Variants in NT5C2 observed in about 807,000 individuals in gnomAD.
NT5C2 encodes the protein 5'-nucleotidase, cytosolic II, also known as cytosolic purine 5'-nucleotidase.
In NT5C2, 58 loss-of-function variants were observed where a neutral mutation model predicts 76.1. That is an observed-to-expected ratio of 0.76 (90% CI 0.62 to 0.95). The LOEUF is 0.95. Among genes scored for constraint, NT5C2 ranks in the 40% least tolerant of loss-of-function variants. The pLI is 0.00. For synonymous variants in NT5C2, 229 were observed against 237.4 expected, an observed-to-expected ratio of 0.96 and a Z score of 0.32; for missense variants, 478 against 690.3, an observed-to-expected ratio of 0.69 and a Z score of 3.45.
At chr10:103,100,890 G>C in intron 8 of NT5C2, 155 bp downstream of exon 8, 1 of 701,508 alleles carries the variant, frequency 1.4e-6, no homozygotes. Context: ...AGCTGCTGGT[G>C]CTGTCCCATC....
At chr10:103,130,258 C>CA (rs1489965523) in intron 4 of NT5C2, among the ~76,000 whole-genome samples, 3 of 151,760 alleles carry the variant, frequency 2.0e-5, no homozygotes, top group Admixed American at 2.0e-4. Context: ...ACCTTACCCC[C>CA]AACCCTGTGC....
Position 103,105,697 on chromosome 10 carries a change from T to G in NT5C2, c.389+9A>C. The stretch of plus-strand genomic sequence containing the variant: ...CATTAGAAAGAGGCTAAAGGTTCTC[T>G]GTACTCACCCCCTTATAAAGTTAAA... On this transcript the variant is annotated intron_variant, in intron 6 of 18. Transcript: ENST00000404739. 1 of 1,577,758 alleles carries G rather than the reference T, an allele frequency of 6.3e-7. No homozygotes were observed. Among genetic ancestry groups the G allele is most frequent in the Non-Finnish European group, 8.7e-7 (1 of 1,148,408 alleles).
intron 4 of NT5C2, among the ~76,000 whole-genome samples, chr10:103,108,158 G>GA (rs2071891574): frequency 1.3e-5 from 2 of 151,056 alleles, no homozygotes; most frequent in South Asian, 2.1e-4. Context: ...GTCTCAAAAA[G>GA]AAAAAAAAGA....
At chr10:103,183,275 A>ATCTATTATATATATATATATAT (rs1554841685) in intron 1 of NT5C2, among the ~76,000 whole-genome samples, 2 of 104,934 alleles carry the variant, frequency 1.9e-5, no homozygotes, top group African/African-American at 6.4e-5. Context: ...ATATATATAT[A>ATCTATTATATATATATATATAT]TATATATATA....
At chr10:103,104,952 A>T (rs1270101454) in intron 6 of NT5C2, among the ~76,000 whole-genome samples, 1 of 152,240 alleles carries the variant, frequency 6.6e-6, no homozygotes, top group Non-Finnish European at 1.5e-5. Flanking sequence ...TACAATGTCA[A>T]TAGTAAATAA....
In NT5C2 at chr10:103,137,583, ACT is replaced by A. The variant is rs1242108972; in HGVS notation, c.175+1821_175+1822del. Among the ~76,000 whole-genome samples the A allele has an allele frequency of 5.3e-5, 8 of 152,350 alleles. No individual in the cohort carries two copies. In the South Asian group the frequency reaches 8.3e-4, roughly 16 times the overall value. On this transcript the variant is annotated intron_variant, in intron 4 of 18. Transcript: ENST00000404739. Reference sequence around the variant, plus strand: ...TCTAATTTGAGATGGACAAATTAATACTGTTATATTAATAGTTCCTGAGAAGT... The same window carrying A: ...TCTAATTTGAGATGGACAAATTAATAGTTATATTAATAGTTCCTGAGAAGT...
rs118141064 is a variant in NT5C2 at position 103,170,925 on chromosome 10, C to T, written c.101+3933G>A. On this transcript the variant is annotated intron_variant, in intron 3 of 18. Transcript: ENST00000404739. The stretch of plus-strand genomic sequence containing the variant: ...TGTTACACCCTAATGTTAATTAATA[C>T]TTTATAGTGTAAAGACCAAGCAAAT... Among the ~76,000 whole-genome samples the T allele has an allele frequency of 9.0e-3, 1,366 of 152,226 alleles. 11 individuals are homozygous for T. Among genetic ancestry groups the T allele is most frequent in the Non-Finnish European group, 0.015 (992 of 68,010 alleles).
chr10:103,181,350 TA>T (rs35695488), intron 1 of NT5C2, 22 bp from the exon 2 acceptor site: 5 of 147,014 alleles, frequency 3.4e-5, no homozygotes, highest in Non-Finnish European at 6.0e-5. Flanking sequence ...AAAAAAAAAA[TA>T]ATAATTCACA....
chr10:103,108,130 TGGC>T, intron 4 of NT5C2, among the ~76,000 whole-genome samples: 1 of 151,856 alleles, frequency 6.6e-6, no homozygotes, highest in East Asian at 1.9e-4. Flanking sequence ...ACTCCAGCCT[TGGC>T]GACAGAGTGA....
At chr10:103,180,678 G>A (rs948720414) in intron 2 of NT5C2, among the ~76,000 whole-genome samples, 13 of 151,932 alleles carry the variant, frequency 8.6e-5, no homozygotes, top group Admixed American at 6.6e-4. Flanking sequence ...AGATTGTCTC[G>A]TGCCACTGCA....
intron 4 of NT5C2, among the ~76,000 whole-genome samples, chr10:103,134,243 A>G (rs1443440592): frequency 6.6e-6 from 1 of 152,046 alleles, no homozygotes. Flanking sequence ...AGAAGTCTTC[A>G]TGGTAGCCCC....
intron 4 of NT5C2, among the ~76,000 whole-genome samples, chr10:103,138,046 C>T (rs944838473): frequency 1.3e-5 from 2 of 152,088 alleles, no homozygotes; most frequent in African/African-American, 2.4e-5. Context: ...ACCCAATGCC[C>T]CACATCCTCA....
intron 4 of NT5C2, among the ~76,000 whole-genome samples, chr10:103,139,139 A>AT (rs1383052729): frequency 6.6e-6 from 1 of 152,196 alleles, no homozygotes; most frequent in Non-Finnish European, 1.5e-5. Context: ...TCAATATATG[A>AT]TTTTACCATA....
chr10:103,191,397 AAGAG>A (rs202139040), intron 1 of NT5C2, among the ~76,000 whole-genome samples: 37,976 of 138,498 alleles, frequency 0.27, 5,171 homozygotes, highest in Middle Eastern at 0.32. Flanking sequence ...AAAAAAAAAA[AAGAG>A]AGAGAGAGGA....
intron 3 of NT5C2, among the ~76,000 whole-genome samples, chr10:103,143,301 T>C (rs1184806626): frequency 6.6e-6 from 1 of 152,182 alleles, no homozygotes; most frequent in Non-Finnish European, 1.5e-5. Flanking sequence ...TCTAGGTCAA[T>C]GGTCTCCAAA....
intron 3 of NT5C2, among the ~76,000 whole-genome samples, chr10:103,170,009 C>T (rs2087478534): frequency 6.6e-6 from 1 of 152,122 alleles, no homozygotes; most frequent in Non-Finnish European, 1.5e-5. Context: ...ATAATCACAG[C>T]TACTCCAGAG....
chr10:103,112,370 C>T (rs2073237260), intron 4 of NT5C2, among the ~76,000 whole-genome samples: 1 of 151,966 alleles, frequency 6.6e-6, no homozygotes, highest in Non-Finnish European at 1.5e-5. Flanking sequence ...CTGCACACTG[C>T]TAAAAATCTA....
intron 3 of NT5C2, among the ~76,000 whole-genome samples, chr10:103,140,829 T>C (rs2080275925): frequency 6.6e-6 from 1 of 152,260 alleles, no homozygotes; most frequent in Non-Finnish European, 1.5e-5. Flanking sequence ...TTTGCATGTC[T>C]GCTTTGGAGA....
chr10:103,099,499 A>T (rs182268317), intron 9 of NT5C2, among the ~76,000 whole-genome samples: 19 of 152,318 alleles, frequency 1.2e-4, no homozygotes, highest in African/African-American at 4.3e-4. Flanking sequence ...AATATAAAAC[A>T]GTTTCTATTT....
Sources: allele counts gnomAD v4.1 joint callset (sites outside exome capture counted in the v4.1 genomes callset), GRCh38; gene constraint gnomAD v4.1.1; transcripts MANE v1.5; gene names NCBI Gene and HGNC (gene_info 2026-07-23, HGNC 2026-07-21).